Variants in SLC25A21 observed in about 807,000 individuals in gnomAD.
The protein encoded by SLC25A21 is solute carrier family 25 member 21.
SLC25A21 carries 47 observed loss-of-function variants against 43.8 expected under a neutral mutation model. The observed-to-expected ratio is 1.07, with a 90% confidence interval of 0.85 to 1.37. SLC25A21 has a LOEUF of 1.37. Among genes scored for constraint, SLC25A21 ranks in the 40% most tolerant of loss-of-function variants. SLC25A21 has a pLI of 0.00. For missense variants in SLC25A21, 352 were observed against 350.2 expected (o/e 1.00, Z -0.04); for synonymous variants, 131 against 121.3 (o/e 1.08, Z -0.52).
intron 1 of SLC25A21, among the ~76,000 whole-genome samples, chr14:37,095,750 G>T (rs546499566): frequency 1.8e-3 from 275 of 151,802 alleles, no homozygotes; most frequent in African/African-American, 6.1e-3. Flanking sequence ...AGTTAGCCAA[G>T]TGAGATATCC....
chr14:36,844,753 G>A (rs1006414999), intron 2 of SLC25A21, among the ~76,000 whole-genome samples: 1 of 152,138 alleles, frequency 6.6e-6, no homozygotes, highest in African/African-American at 2.4e-5. Flanking sequence ...CTGGACAGAG[G>A]GTCATGCCGG....
At chr14:36,783,121 T>C (rs76219540) in intron 3 of SLC25A21, among the ~76,000 whole-genome samples, 2,888 of 150,622 alleles carry the variant, frequency 0.019, 103 homozygotes, top group African/African-American at 0.066. Context: ...GTCAAGACGA[T>C]GTGCCTTATT....
intron 1 of SLC25A21, among the ~76,000 whole-genome samples, chr14:37,130,109 T>C (rs1394884803): frequency 6.7e-6 from 1 of 149,636 alleles, no homozygotes; most frequent in Non-Finnish European, 1.5e-5. Flanking sequence ...AAAAACAACT[T>C]TAAATTATCC....
chr14:37,000,560 C>G (rs1228679917), intron 1 of SLC25A21, among the ~76,000 whole-genome samples: 1 of 152,098 alleles, frequency 6.6e-6, no homozygotes, highest in Non-Finnish European at 1.5e-5. Flanking sequence ...CCACCCAGAC[C>G]CTTCATTCTC....
intron 1 of SLC25A21, among the ~76,000 whole-genome samples, chr14:36,930,306 T>C (rs1892251972): frequency 6.6e-6 from 1 of 152,184 alleles, no homozygotes; most frequent in Admixed American, 6.5e-5. Context: ...TTTAATATCA[T>C]TCTATTGCTA....
chr14:36,806,483 C>T (rs972419637), intron 3 of SLC25A21, among the ~76,000 whole-genome samples: 4 of 151,566 alleles, frequency 2.6e-5, no homozygotes, highest in African/African-American at 9.7e-5. Context: ...CCTACATACC[C>T]CATAAATCTG....
chr14:36,711,210 G>T, intron 7 of SLC25A21, 108 bp downstream of exon 7: 2 of 938,434 alleles, frequency 2.1e-6, no homozygotes, highest in Non-Finnish European at 3.2e-6. Context: ...TTAGATAATA[G>T]ATGTAGGTGT....
intron 1 of SLC25A21, among the ~76,000 whole-genome samples, chr14:36,877,395 T>C (rs1172872646): frequency 1.3e-5 from 2 of 152,206 alleles, no homozygotes; most frequent in Non-Finnish European, 2.9e-5. Context: ...AGTAAACAGA[T>C]AATAGATCAG....
chr14:36,787,975 T>C (rs1321101789), intron 3 of SLC25A21, among the ~76,000 whole-genome samples: 1 of 152,200 alleles, frequency 6.6e-6, no homozygotes, highest in East Asian at 1.9e-4. Flanking sequence ...TCAGAGTAAT[T>C]TGTTTGATGT....
At chr14:37,119,097 A>G (rs895359891) in intron 1 of SLC25A21, among the ~76,000 whole-genome samples, 3 of 152,186 alleles carry the variant, frequency 2.0e-5, no homozygotes, top group African/African-American at 7.2e-5. Flanking sequence ...GGCTTGCTAA[A>G]GGACACTCCC....
At chr14:36,760,775 G>A (rs1311117088) in intron 3 of SLC25A21, among the ~76,000 whole-genome samples, 1 of 152,106 alleles carries the variant, frequency 6.6e-6, no homozygotes, top group Non-Finnish European at 1.5e-5. Context: ...GTGTTTAAGG[G>A]GAACCCCCCA....
intron 6 of SLC25A21, among the ~76,000 whole-genome samples, chr14:36,722,958 A>G (rs1884434800): frequency 6.6e-6 from 1 of 152,070 alleles, no homozygotes; most frequent in Non-Finnish European, 1.5e-5. Flanking sequence ...CAACCCACAA[A>G]GCCTTAGAGT....
intron 1 of SLC25A21, among the ~76,000 whole-genome samples, chr14:36,930,921 C>T (rs1249149549): frequency 6.6e-6 from 1 of 152,120 alleles, no homozygotes; most frequent in East Asian, 1.9e-4. Flanking sequence ...ATTTTGCTTA[C>T]AACACCCATC....
intron 3 of SLC25A21, among the ~76,000 whole-genome samples, chr14:36,751,095 CA>C (rs1480754052): frequency 1.3e-5 from 2 of 152,122 alleles, no homozygotes; most frequent in African/African-American, 4.8e-5. Context: ...TAAGATATGC[CA>C]AAACCAGATT....
At chr14:36,861,282 T>G (rs1594647887) in intron 2 of SLC25A21, among the ~76,000 whole-genome samples, 1 of 152,340 alleles carries the variant, frequency 6.6e-6, no homozygotes, top group African/African-American at 2.4e-5. Context: ...GATTTTACTC[T>G]TGATTCACAG....
At chr14:37,142,011 G>A (rs1241534370) in intron 1 of SLC25A21, among the ~76,000 whole-genome samples, 3 of 152,188 alleles carry the variant, frequency 2.0e-5, no homozygotes, top group Non-Finnish European at 4.4e-5. Context: ...TGTTACCCAA[G>A]TGATCCTAAA....
intron 1 of SLC25A21, among the ~76,000 whole-genome samples, chr14:36,977,053 C>T (rs959482725): frequency 6.6e-6 from 1 of 152,228 alleles, no homozygotes; most frequent in Non-Finnish European, 1.5e-5. Context: ...CAGAACAAAA[C>T]ATTTGCATGC....
At chr14:36,989,095 TG>T (rs1165646187) in intron 1 of SLC25A21, among the ~76,000 whole-genome samples, 13 of 152,218 alleles carry the variant, frequency 8.5e-5, no homozygotes, top group Non-Finnish European at 1.3e-4. Flanking sequence ...ATATGCAGGA[TG>T]AAAAAATCAG....
intron 3 of SLC25A21, among the ~76,000 whole-genome samples, chr14:36,767,326 T>C (rs1448168094): frequency 6.6e-6 from 1 of 152,246 alleles, no homozygotes; most frequent in Non-Finnish European, 1.5e-5. Context: ...CTGTGAGTCC[T>C]GTATAAATCT....
Sources: gnomAD v4.1 joint callset for allele counts (sites outside exome capture counted in the v4.1 genomes callset) on GRCh38, gnomAD v4.1.1 for gene constraint, MANE v1.5 for transcripts, NCBI Gene and HGNC (gene_info 2026-07-23, HGNC 2026-07-21) for gene names.